Variants in ANKRD18A observed in about 807,000 individuals in gnomAD.
The protein encoded by ANKRD18A is ankyrin repeat domain-containing protein 18A.
In ANKRD18A, 72 loss-of-function variants were observed where a neutral mutation model predicts 110.6. That is an observed-to-expected ratio of 0.65 (90% CI 0.54 to 0.79). The LOEUF is 0.79. Ranked by LOEUF, ANKRD18A falls within the 30% of genes least tolerant of loss-of-function variation. The probability of loss-of-function intolerance (pLI) is 0.00; values close to 1 mark genes in which losing one functional copy is unlikely to be tolerated. For synonymous variants in ANKRD18A, 305 were observed against 410.3 expected, an observed-to-expected ratio of 0.74 and a Z score of 3.10; for missense variants, 934 against 1,163.3, an observed-to-expected ratio of 0.80 and a Z score of 2.87.
At chr9:38,581,236 T>A (rs542194518) in intron 12 of ANKRD18A, among the ~76,000 whole-genome samples, 1 of 152,334 alleles carries the variant, frequency 6.6e-6, no homozygotes, top group African/African-American at 2.4e-5. Flanking sequence ...TAATAAATGT[T>A]GAGATTAATT....
chr9:38,608,045 A>G, intron 5 of ANKRD18A, among the ~76,000 whole-genome samples: 1 of 152,196 alleles, frequency 6.6e-6, no homozygotes, highest in Non-Finnish European at 1.5e-5. Flanking sequence ...TTTTCAGAGA[A>G]TGTTATTAAG....
At chr9:38,580,385 C>G (rs1476895003) in intron 12 of ANKRD18A, among the ~76,000 whole-genome samples, 1 of 152,164 alleles carries the variant, frequency 6.6e-6, no homozygotes, top group Admixed American at 6.5e-5. Flanking sequence ...GATGACTCTA[C>G]AGTTGCCCAG....
Position 38,577,109 on chromosome 9 carries a change from C to T in ANKRD18A, c.2685G>A (p.Lys895=). Residue 895 remains lysine, a synonymous_variant, in exon 14 of 16, where the codon AAG becomes AAA. Transcript: ENST00000399703. The stretch of plus-strand genomic sequence containing the variant: ...CTTTCACTGCTCCTGCAAAGGCTTC[C>T]TTAAATTCTTCTAATTCAGTTGTAA... ...EEVTTELEEF[K]EAFAGAVKAN... The T allele has an allele frequency of 6.5e-7, 1 of 1,549,102 alleles. No individual in the cohort carries two copies. Among genetic ancestry groups the T allele is most frequent in the Non-Finnish European group, 8.7e-7 (1 of 1,146,280 alleles).
chr9:38,595,495 T>C lies in ANKRD18A; in HGVS notation c.1845A>G (p.Ala615=). 6.8e-7 allele frequency: 1 copy of C among 1,478,208 alleles called. No homozygotes were observed. The highest frequency in any genetic ancestry group is 9.0e-7 in the Non-Finnish European group (1 of 1,116,534). The allele number at this position is 1,478,208 out of a possible 1,614,324, so 91.6% of individuals were successfully genotyped here. The change falls in exon 9 of 16, where the codon GCA becomes GCG. Residue 615 remains alanine (A), a synonymous_variant. Transcript: ENST00000399703. ...EKLLQCEKEK[A]EREVIVREFQ... ...TTTTCTTCATACTTACTTCTCTTTC[T>C]GCTTTTTCTTTTTCACACTGAAGCA...
downstream of ANKRD18A, chr9:38,568,269 G>C (rs536646186): frequency 6.6e-6 from 1 of 152,520 alleles, no homozygotes; most frequent in East Asian, 1.9e-4. Flanking sequence ...CAAAGGCAGC[G>C]CACAGCCTGC....
intron 9 of ANKRD18A, 66 bp downstream of exon 9, chr9:38,595,420 A>C (rs1379914498): frequency 7.5e-7 from 1 of 1,335,256 alleles, no homozygotes; most frequent in African/African-American, 1.5e-5. Flanking sequence ...AACTAGGTTC[A>C]ACATATAGCC....
Position 38,596,237 on chromosome 9 carries a change from T to A in ANKRD18A, c.1103A>T (p.Asn368Ile), listed in dbSNP as rs1824875536. 1 of 1,534,816 alleles carries A rather than the reference T, an allele frequency of 6.5e-7. No homozygotes were observed. The highest frequency in any genetic ancestry group is 1.4e-5 in the African/African-American group (1 of 71,814). ...EIKSITEINA[N>I]FEKSVRLNEK... ...ATTGAGTCTTACACTCTTTTCAAAG[T>A]TAGCATTTATTTCTGTAATGCTTTT... The change falls in exon 9 of 16, where the codon AAC (asparagine) becomes ATC (isoleucine). Residue 368 changes from asparagine (N) to isoleucine (I), a missense_variant. Asn to Ile is a moderately radical substitution (Grantham distance 149). Transcript: ENST00000399703.
At chr9:38,588,044 C>T (rs1307281557) in intron 11 of ANKRD18A, among the ~76,000 whole-genome samples, 9 of 152,220 alleles carry the variant, frequency 5.9e-5, no homozygotes, top group Non-Finnish European at 8.8e-5. Flanking sequence ...GCCGAGATCG[C>T]GTCATTGCAC....
At chr9:38,593,669 C>A in intron 10 of ANKRD18A, 91 bp downstream of exon 10, 1 of 1,190,634 alleles carries the variant, frequency 8.4e-7, no homozygotes, top group South Asian at 3.4e-5. Flanking sequence ...AATATAAAAT[C>A]AAGCTGTCCA....
chr9:38,617,566 T>C (rs1825910609), intron 1 of ANKRD18A, among the ~76,000 whole-genome samples: 1 of 152,210 alleles, frequency 6.6e-6, no homozygotes, highest in South Asian at 2.1e-4. Flanking sequence ...AATCAGACTT[T>C]CCAATGATTA....
chr9:38,596,619 T>C lies in ANKRD18A; in HGVS notation c.937-216A>G, dbSNP rs545393723. Among the ~76,000 whole-genome samples, 101 of 151,846 alleles carry C rather than the reference T, an allele frequency of 6.7e-4. 1 individual carries two copies. Among genetic ancestry groups the C allele is most frequent in the African/African-American group, 2.4e-3 (100 of 41,424 alleles). On this transcript the variant is annotated intron_variant, in intron 8 of 15. Transcript: ENST00000399703. ...ATTTGAAGTCAATGAATCCATAAAATACACACACACACACTCTAGAGAATT... is the reference window on the plus strand; with the variant it reads ...ATTTGAAGTCAATGAATCCATAAAACACACACACACACACTCTAGAGAATT...
Position 38,597,064 on chromosome 9 carries a change from T to C in ANKRD18A, c.937-661A>G, listed in dbSNP as rs147314967. ...TCAGGGCTTCTGACTCTACTTCTAGTTCTCCATCAGATCACAGTTACCTCT... is the reference window on the plus strand; with the variant it reads ...TCAGGGCTTCTGACTCTACTTCTAGCTCTCCATCAGATCACAGTTACCTCT... On this transcript the variant is annotated intron_variant, in intron 8 of 15. Coordinates refer to ENST00000399703, the MANE Select transcript of ANKRD18A (RefSeq NM_147195.4). Among the ~76,000 whole-genome samples, 1,112 of 152,282 alleles carry C rather than the reference T, an allele frequency of 7.3e-3. 12 individuals carry two copies. The highest frequency in any genetic ancestry group is 0.024 in the African/African-American group (1,014 of 41,568).
rs1204332627 is a variant in ANKRD18A, at chr9:38,610,371, A to T, written c.642T>A (p.Ser214Arg). ...LILAVQHNLS[S>R]IVTLLLQQNI... ...TTTGTTGAAGCAGGAGGGTGACGATACTTGACAAGTTATGCTGTACTGCAA... is the reference window on the plus strand; with the variant it reads ...TTTGTTGAAGCAGGAGGGTGACGATTCTTGACAAGTTATGCTGTACTGCAA... The change falls in exon 5 of 16, where the codon AGT becomes AGA. Residue 214 changes from serine to arginine, a missense_variant. This residue lies in a region of ANKRD18A where 630 missense variants were observed against 797.5 expected (regional missense o/e 0.79). Coordinates refer to ENST00000399703, the MANE Select transcript of ANKRD18A (RefSeq NM_147195.4). 1.3e-6 allele frequency: 2 copies of T among 1,550,572 alleles called. No homozygotes were observed. The highest frequency in any genetic ancestry group is 2.7e-5 in the African/African-American group (2 of 73,010).
downstream of ANKRD18A, among the ~76,000 whole-genome samples, chr9:38,570,704 A>C (rs2381856): frequency 0.36 from 54,568 of 151,724 alleles, 10,493 homozygotes; most frequent in African/African-American, 0.5. Context: ...AGCTCACAGA[A>C]CCTCCCCTCC....
At chr9:38,577,300 T>C in intron 13 of ANKRD18A, 36 bp from the exon 14 acceptor site, 1 of 1,500,382 alleles carries the variant, frequency 6.7e-7, no homozygotes, top group Non-Finnish European at 8.9e-7. Context: ...TTTAAAACAA[T>C]TATAAGTTAA....
At chr9:38,617,771 A>G (rs1350196097) in intron 1 of ANKRD18A, among the ~76,000 whole-genome samples, 1 of 152,166 alleles carries the variant, frequency 6.6e-6, no homozygotes, top group African/African-American at 2.4e-5. Flanking sequence ...TAAGTATGGA[A>G]GGGTCCTGAG....
At chr9:38,573,012 G>A (rs886534723) in intron 15 of ANKRD18A, 49 of 888,080 alleles carry the variant, frequency 5.5e-5, no homozygotes, top group Non-Finnish European at 7.1e-5. Context: ...CAATGAAAAG[G>A]AATGCCATTT....
intron 8 of ANKRD18A, among the ~76,000 whole-genome samples, chr9:38,596,689 A>C (rs1366839603): frequency 6.6e-6 from 1 of 152,222 alleles, no homozygotes; most frequent in Non-Finnish European, 1.5e-5. Flanking sequence ...GAATTACAAC[A>C]AACTCAAAGC....
At position 38,599,799 on chromosome 9, in the gene ANKRD18A, G is replaced by A. The variant is rs143236990; in HGVS notation, c.936+1332C>T. 8.2e-3 allele frequency among the ~76,000 whole-genome samples: 1,248 copies of A among 152,230 alleles called. 21 individuals are homozygous for A. Among genetic ancestry groups the A allele is most frequent in the African/African-American group, 0.028 (1,176 of 41,556 alleles). On this transcript the variant is annotated intron_variant, in intron 8 of 15. Transcript: ENST00000399703. ...TTTTAAAGGAAGTCCTGAATATACA[G>A]ATATATCCTCTTTATTACAATTCTT...
Sources: gnomAD v4.1 joint callset for allele counts (sites outside exome capture counted in the v4.1 genomes callset) on GRCh38, gnomAD v4.1.1 for gene constraint, gnomAD v4.1.1 regional missense constraint, MANE v1.5 for transcripts, NCBI Gene and HGNC (gene_info 2026-07-23, HGNC 2026-07-21) for gene names.